PHGDH: variants seen among roughly 807,000 people sequenced by gnomAD.
PHGDH encodes D-3-phosphoglycerate dehydrogenase.
Under a neutral mutation model 52.6 loss-of-function variants are expected in PHGDH, and 50 were observed. The observed-to-expected ratio is 0.95, with a 90% confidence interval of 0.76 to 1.20. The LOEUF is 1.20. Among genes scored for constraint, PHGDH ranks in the 50% most tolerant of loss-of-function variants. The probability of loss-of-function intolerance (pLI) is 0.00; values close to 1 mark genes in which losing one functional copy is unlikely to be tolerated. For missense variants in PHGDH, 630 were observed against 684.6 expected (o/e 0.92, Z 0.89); for synonymous variants, 271 against 280.5 (o/e 0.97, Z 0.34).
In PHGDH at chr1:119,737,149, G is replaced by A. The variant is rs1478978406; in HGVS notation, c.828G>A (p.Glu276=). The A allele has an allele frequency of 6.2e-7, 1 of 1,614,226 alleles. No individual in the cohort carries two copies. Residue 276 remains glutamate (E), a synonymous_variant, in exon 8 of 12, where the codon GAG becomes GAA. Coordinates refer to ENST00000641023, the MANE Select transcript of PHGDH (RefSeq NM_006623.4). ...PPRDRALVDH[E]NVISCPHLGA... Reference sequence around the variant, plus strand: ...GGGACCGGGCCTTGGTGGACCATGAGAATGTCATCAGCTGTCCCCACCTGG... The same window carrying A: ...GGGACCGGGCCTTGGTGGACCATGAAAATGTCATCAGCTGTCCCCACCTGG...
Position 119,735,396 on chromosome 1 carries a change from C to T in PHGDH, c.745C>T (p.Leu249=), listed in dbSNP as rs779555619. ...IVDEGALLRA[L]QSGQCAGAAL... is the part of the protein sequence containing the mutation. ...GGACGAAGGCGCCCTGCTCCGGGCC[C>T]TGCAGTCTGGCCAGTGTGCCGGGGC... is the stretch of plus-strand genomic sequence containing the variant. The change falls in exon 7 of 12, where the codon CTG becomes TTG. Residue 249 remains leucine, a synonymous_variant. Coordinates refer to ENST00000641023, the MANE Select transcript of PHGDH (RefSeq NM_006623.4). The T allele has an allele frequency of 4.3e-6, 7 of 1,613,998 alleles. No individual in the cohort carries two copies. Among genetic ancestry groups the T allele is most frequent in the Non-Finnish European group, 5.9e-6 (7 of 1,180,044 alleles).
intron 1 of PHGDH, among the ~76,000 whole-genome samples, chr1:119,717,042 T>TTA (rs1377407825): frequency 2.0e-5 from 3 of 151,884 alleles, no homozygotes; most frequent in African/African-American, 7.3e-5. Context: ...CATTGCCTAT[T>TTA]TATATATTTA....
chr1:119,738,698 C>T (rs1380718230), intron 8 of PHGDH, among the ~76,000 whole-genome samples: 2 of 152,132 alleles, frequency 1.3e-5, no homozygotes, highest in African/African-American at 4.8e-5. Context: ...CAATTTATTG[C>T]CATTACCATT....
At chr1:119,722,606 G>A (rs1012049507) in intron 2 of PHGDH, among the ~76,000 whole-genome samples, 22 of 151,962 alleles carry the variant, frequency 1.4e-4, no homozygotes, top group African/African-American at 4.1e-4. Context: ...TTGGGGCTGC[G>A]TGTGGGGGCT....
chr1:119,729,644 C>G (rs1480818748), intron 5 of PHGDH: 1 of 152,220 alleles, frequency 6.6e-6, no homozygotes, highest in Non-Finnish European at 1.5e-5. Flanking sequence ...GTAAGCTTGT[C>G]TGTCCATCTG....
intron 7 of PHGDH, among the ~76,000 whole-genome samples, chr1:119,736,448 A>G (rs1206581425): frequency 1.3e-5 from 2 of 152,186 alleles, no homozygotes; most frequent in Non-Finnish European, 2.9e-5. Flanking sequence ...TCAAAATTCA[A>G]TGGGACCAAC....
In PHGDH at chr1:119,718,512, G is replaced by A. The variant is rs140947047; in HGVS notation, c.139-2658G>A. ...CTGGCCCTATCTTCTTGACATCTTG[G>A]CAGGTCTACCAACTCTTCTTCAGTT... is the stretch of plus-strand genomic sequence containing the variant. On this transcript the variant is annotated intron_variant, in intron 1 of 11. Transcript: ENST00000641023. Among the ~76,000 whole-genome samples the A allele has an allele frequency of 1.4e-4, 22 of 152,302 alleles. 1 individual carries two copies. The highest frequency in any genetic ancestry group is 4.6e-4 in the African/African-American group (19 of 41,574).
chr1:119,717,322 A>G (rs956292331), intron 1 of PHGDH, among the ~76,000 whole-genome samples: 5 of 149,576 alleles, frequency 3.3e-5, no homozygotes, highest in Admixed American at 6.7e-5. Flanking sequence ...ACATATGGTG[A>G]AAGGAGTTTT....
At chr1:119,722,502 G>A (rs1206766613) in intron 2 of PHGDH, among the ~76,000 whole-genome samples, 1 of 152,178 alleles carries the variant, frequency 6.6e-6, no homozygotes, top group Non-Finnish European at 1.5e-5. Flanking sequence ...GGATTGCCCT[G>A]TGACTTAGGG....
chr1:119,729,111 T>C (rs1003211172), intron 5 of PHGDH, among the ~76,000 whole-genome samples: 2 of 152,182 alleles, frequency 1.3e-5, no homozygotes, highest in Admixed American at 6.5e-5. Flanking sequence ...GTCAGCCAGA[T>C]ATCTTTCCTA....
At chr1:119,712,477 G>A (rs945286168) in intron 1 of PHGDH, 6 of 381,134 alleles carry the variant, frequency 1.6e-5, no homozygotes, top group African/African-American at 1.0e-4. Context: ...GGATGCCAGC[G>A]CGGCGCCCCA....
chr1:119,737,919 T>C (rs1167827705), intron 8 of PHGDH, among the ~76,000 whole-genome samples: 1 of 152,176 alleles, frequency 6.6e-6, no homozygotes, highest in African/African-American at 2.4e-5. Flanking sequence ...TTGTCATAGC[T>C]CTTGGGAGAC....
chr1:119,730,930 C>A (rs1029972467), intron 5 of PHGDH, among the ~76,000 whole-genome samples: 1 of 152,162 alleles, frequency 6.6e-6, no homozygotes. Context: ...GTAGTTAATA[C>A]TTAAGGGTGC....
At chr1:119,719,176 G>T (rs1651046979) in intron 1 of PHGDH, among the ~76,000 whole-genome samples, 1 of 152,118 alleles carries the variant, frequency 6.6e-6, no homozygotes, top group Non-Finnish European at 1.5e-5. Context: ...CTCAGCACTG[G>T]GGCAGTCAGC....
intron 1 of PHGDH, among the ~76,000 whole-genome samples, chr1:119,718,185 C>G (rs1651011137): frequency 6.6e-6 from 1 of 152,212 alleles, no homozygotes; most frequent in South Asian, 2.1e-4. Context: ...GGCAATGTCT[C>G]TCCTGGTTTA....
intron 5 of PHGDH, among the ~76,000 whole-genome samples, chr1:119,729,304 A>G (rs1296685280): frequency 6.6e-6 from 1 of 152,226 alleles, no homozygotes; most frequent in Non-Finnish European, 1.5e-5. Flanking sequence ...GTAAGGGATC[A>G]AGGGTCAAGG....
intron 5 of PHGDH, 113 bp downstream of exon 5, chr1:119,727,215 T>TATGGAGGAGG: frequency 1.4e-6 from 1 of 733,196 alleles, no homozygotes; most frequent in Admixed American, 2.0e-5. Context: ...GACCCTCTCT[T>TATGGAGGAGG]GGAGCCCCCA....
intron 1 of PHGDH, among the ~76,000 whole-genome samples, chr1:119,717,971 G>T (rs1570987565): frequency 6.6e-6 from 1 of 152,188 alleles, no homozygotes; most frequent in African/African-American, 2.4e-5. Context: ...TTATTCAATG[G>T]AAGTGTATAA....
At chr1:119,738,899 T>A (rs1335871645) in intron 8 of PHGDH, among the ~76,000 whole-genome samples, 2 of 152,182 alleles carry the variant, frequency 1.3e-5, no homozygotes, top group Non-Finnish European at 2.9e-5. Flanking sequence ...GACCACACAG[T>A]GTCCCCATCT....
Sources: gnomAD v4.1 joint callset for allele counts (sites outside exome capture counted in the v4.1 genomes callset) on GRCh38, gnomAD v4.1.1 for gene constraint, MANE v1.5 for transcripts, NCBI Gene and HGNC (gene_info 2026-07-23, HGNC 2026-07-21) for gene names.